TTC3: variants seen among roughly 807,000 people sequenced by gnomAD.
The protein encoded by TTC3 is E3 ubiquitin-protein ligase TTC3.
Under a neutral mutation model 249.6 loss-of-function variants are expected in TTC3, and 180 were observed. The ratio of observed to expected loss-of-function variants is 0.72; its 90% CI spans 0.64 to 0.82. The LOEUF (loss-of-function observed/expected upper bound fraction) is 0.82. Ranked by LOEUF, TTC3 falls within the 40% of genes least tolerant of loss-of-function variation. The probability of loss-of-function intolerance (pLI) is 0.00; values close to 1 mark genes in which losing one functional copy is unlikely to be tolerated. For missense variants in TTC3, 2,061 were observed against 2,398.4 expected (o/e 0.86, Z 2.94); for synonymous variants, 717 against 805.0 (o/e 0.89, Z 1.85).
chr21:37,132,065 A>C (rs1400707593), intron 16 of TTC3, among the ~76,000 whole-genome samples: 2 of 152,068 alleles, frequency 1.3e-5, no homozygotes, highest in African/African-American at 4.8e-5. Context: ...CTCTTTTTTC[A>C]AAAGCTGTTT....
chr21:37,167,486 C>A, intron 33 of TTC3, 69 bp from the exon 34 acceptor site: 1 of 1,218,176 alleles, frequency 8.2e-7, no homozygotes, highest in Non-Finnish European at 1.2e-6. Context: ...TAAAGTGTTA[C>A]TACTTGATGG....
Position 37,087,404 on chromosome 21 carries a change from A to G in TTC3, c.144+3A>G. ...CTCAGCTTTACTGTGATGGGGTGGT[A>G]AGTAGGTTTGCTAATTTTTCATTTT... On this transcript the variant is annotated splice_donor_region_variant and intron_variant, in intron 2 of 45. Transcript: ENST00000355666. The G allele has an allele frequency of 6.2e-7, 1 of 1,613,252 alleles. No individual in the cohort carries two copies. The highest frequency in any genetic ancestry group is 8.5e-7 in the Non-Finnish European group (1 of 1,179,618).
chr21:37,112,513 G>T (rs2075764289), intron 11 of TTC3, among the ~76,000 whole-genome samples: 1 of 152,152 alleles, frequency 6.6e-6, no homozygotes, highest in African/African-American at 2.4e-5. Context: ...TCTCTGAATA[G>T]ACCAATAACA....
chr21:37,185,317 G>GTT (rs1180837838), intron 36 of TTC3, among the ~76,000 whole-genome samples: 1 of 152,244 alleles, frequency 6.6e-6, no homozygotes, highest in Non-Finnish European at 1.5e-5. Context: ...TTTAAGTTCT[G>GTT]TTTTAAAGAG....
chr21:37,089,867 C>A (rs1245875811), intron 5 of TTC3, among the ~76,000 whole-genome samples: 1 of 152,028 alleles, frequency 6.6e-6, no homozygotes, highest in African/African-American at 2.4e-5. Flanking sequence ...TGCCTGTAAT[C>A]CCAGGTAGTT....
chr21:37,135,374 T>A lies in TTC3; in HGVS notation c.1444-6T>A. 6.2e-7 allele frequency: 1 copy of A among 1,602,760 alleles called. No homozygotes were observed. Among genetic ancestry groups the A allele is most frequent in the Non-Finnish European group, 8.5e-7 (1 of 1,173,992 alleles). On this transcript the variant is annotated splice_polypyrimidine_tract_variant and splice_region_variant and intron_variant, in intron 17 of 45. Coordinates refer to ENST00000355666, the Ensembl canonical transcript of TTC3. The stretch of plus-strand genomic sequence containing the variant: ...AGGTTACTGAAATAGAATTTCTTTT[T>A]TCCAGGATTTTGCTAATATAATGAA...
chr21:37,129,220 G>A (rs1185090373), intron 16 of TTC3, among the ~76,000 whole-genome samples, 157 bp downstream of exon 16: 2 of 152,078 alleles, frequency 1.3e-5, no homozygotes, highest in African/African-American at 2.4e-5. Flanking sequence ...CTTTAGGAAA[G>A]GATAATTTTT....
At chr21:37,165,072 C>A (rs1460420826) in intron 32 of TTC3, among the ~76,000 whole-genome samples, 1 of 152,114 alleles carries the variant, frequency 6.6e-6, no homozygotes, top group East Asian at 1.9e-4. Context: ...ACTATTATTT[C>A]TTAAAGTATG....
At chr21:37,082,900 A>T in intron 1 of TTC3, 3 of 979,876 alleles carry the variant, frequency 3.1e-6, no homozygotes, top group Non-Finnish European at 3.6e-6. Flanking sequence ...GGTGATACCA[A>T]CATTTCCATT....
chr21:37,201,254 T>C (rs1424215448), intron 45 of TTC3, among the ~76,000 whole-genome samples, 186 bp from the exon 46 acceptor site: 1 of 152,148 alleles, frequency 6.6e-6, no homozygotes, highest in Non-Finnish European at 1.5e-5. Context: ...GTGGGATCGT[T>C]TGCGGCTGGG....
chr21:37,126,056 A>C, intron 14 of TTC3, 24 bp from the exon 15 acceptor site: 1 of 1,454,284 alleles, frequency 6.9e-7, no homozygotes, highest in Non-Finnish European at 9.2e-7. Context: ...TTTTTTTTTT[A>C]AGTCTCACTA....
chr21:37,109,842 G>T (rs1359081863), intron 11 of TTC3, among the ~76,000 whole-genome samples: 2 of 152,168 alleles, frequency 1.3e-5, no homozygotes, highest in Non-Finnish European at 2.9e-5. Context: ...TCACACGGCC[G>T]GGTACTCCTC....
intron 37 of TTC3, among the ~76,000 whole-genome samples, chr21:37,186,568 G>T (rs1407751951): frequency 6.6e-6 from 1 of 152,160 alleles, no homozygotes; most frequent in African/African-American, 2.4e-5. Flanking sequence ...AGCCTCTCGA[G>T]TAGCTGGGAC....
intron 32 of TTC3, 38 bp downstream of exon 32, chr21:37,164,253 C>G: frequency 6.8e-7 from 1 of 1,475,282 alleles, no homozygotes; most frequent in Non-Finnish European, 9.1e-7. Context: ...TTATTTTATA[C>G]TAAGGCTGCC....
intron 11 of TTC3, 97 bp from the exon 12 acceptor site, chr21:37,121,720 T>A: frequency 8.6e-7 from 1 of 1,158,618 alleles, no homozygotes; most frequent in Non-Finnish European, 1.2e-6. Context: ...ATATTTTAAG[T>A]AATGAATCAG....
chr21:37,192,202 G>T, exon 41 of TTC3: 1 of 1,598,022 alleles, frequency 6.3e-7, no homozygotes. Flanking sequence ...TTCATTTCCT[G>T]CCTGTAACAC....
At chr21:37,149,110 T>G (rs1378490734) in intron 23 of TTC3, among the ~76,000 whole-genome samples, 1 of 152,200 alleles carries the variant, frequency 6.6e-6, no homozygotes, top group Non-Finnish European at 1.5e-5. Context: ...CAACTTCAAT[T>G]TTAAACTGCC....
chr21:37,148,530 T>C lies in TTC3; in HGVS notation c.2017-16T>C. ...CATCTTTAAAACGTTAATTAAAAAA[T>C]TTTTTGTAACCCTAGGGTTTTATAC... On this transcript the variant is annotated splice_polypyrimidine_tract_variant and intron_variant, in intron 22 of 45. Coordinates refer to ENST00000355666, the Ensembl canonical transcript of TTC3. The C allele has an allele frequency of 6.6e-7, 1 of 1,513,250 alleles. No homozygotes were observed. Among genetic ancestry groups the C allele is most frequent in the South Asian group, 1.3e-5 (1 of 77,252 alleles). 93.7% of individuals were successfully genotyped at this position (1,513,250 alleles called of 1,614,324 possible).
rs1004507383 is a variant in TTC3 at position 37,140,629 on chromosome 21, C to T, written c.1728C>T (p.Cys576=). 12 of 1,607,404 alleles carry T rather than the reference C, an allele frequency of 7.5e-6. No homozygotes were observed. The Admixed American group carries it at 1.9e-4, about 25-fold the overall frequency. The stretch of plus-strand genomic sequence containing the variant: ...ACTACCCCAGTGAGGGCCTTGATTG[C>T]TTGGCCTACTGTGGAATTGGAAAAG... The change falls in exon 20 of 46, where the codon TGC becomes TGT. Residue 576 remains cysteine (C), a synonymous_variant. Coordinates refer to ENST00000355666, the Ensembl canonical transcript of TTC3.
Sources: gnomAD v4.1 joint callset for allele counts (sites outside exome capture counted in the v4.1 genomes callset) on GRCh38, gnomAD v4.1.1 for gene constraint, MANE v1.5 for transcripts, NCBI Gene and HGNC (gene_info 2026-07-23, HGNC 2026-07-21) for gene names.